ITGAM: variants seen among roughly 807,000 people sequenced by gnomAD.
ITGAM encodes integrin alpha-M.
A neutral mutation model predicts 137.5 loss-of-function variants in ITGAM; 79 were observed. That is an observed-to-expected ratio of 0.57 (90% CI 0.48 to 0.69). The LOEUF is 0.69. Ranked by LOEUF, ITGAM falls within the 30% of genes least tolerant of loss-of-function variation. The pLI is 0.00. For synonymous variants in ITGAM, 583 were observed against 592.3 expected (o/e 0.98, Z 0.23); for missense variants, 1,343 against 1,483.5 (o/e 0.91, Z 1.56).
At chr16:31,312,872 T>C (rs920706236) in intron 14 of ITGAM, among the ~76,000 whole-genome samples, 2 of 88,044 alleles carry the variant, frequency 2.3e-5, no homozygotes, top group African/African-American at 6.1e-5. Context: ...TAGGGAGCAG[T>C]CTTTTTTTTT....
chr16:31,265,866 C>A lies in ITGAM; in HGVS notation c.294C>A (p.Ser98Arg), dbSNP rs377027681. 2.5e-5 allele frequency: 40 copies of A among 1,613,600 alleles called. No homozygotes were observed. The highest frequency in any genetic ancestry group is 3.1e-5 in the Non-Finnish European group (36 of 1,179,926). Reference sequence around the variant, plus strand: ...GCCTGTCCCTGGCAGCCACCACCAGCCCCCCTCAGCTGCTGGTGAGTGGGG... The same window carrying A: ...GCCTGTCCCTGGCAGCCACCACCAGACCCCCTCAGCTGCTGGTGAGTGGGG... The part of the protein sequence containing the change: ...SLGLSLAATT[S>R]PPQLLACGPT... The change falls in exon 4 of 30, where the codon AGC becomes AGA. Residue 98 changes from serine to arginine, a missense_variant. Ser to Arg is a moderately radical substitution (Grantham distance 110). Transcript: ENST00000544665.
chr16:31,288,192 G>A (rs2080049355), intron 12 of ITGAM, among the ~76,000 whole-genome samples: 1 of 152,104 alleles, frequency 6.6e-6, no homozygotes, highest in African/African-American at 2.4e-5. Context: ...GTATAGGGTG[G>A]TGGGAGGAGT....
intron 14 of ITGAM, among the ~76,000 whole-genome samples, chr16:31,306,241 A>AT (rs2080263429): frequency 6.6e-6 from 1 of 152,100 alleles, no homozygotes; most frequent in Non-Finnish European, 1.5e-5. Flanking sequence ...CTAATGAGGA[A>AT]TTTTTTTGAC....
intron 5 of ITGAM, among the ~76,000 whole-genome samples, chr16:31,267,423 T>A (rs1272927145): frequency 6.6e-6 from 1 of 152,080 alleles, no homozygotes; most frequent in Non-Finnish European, 1.5e-5. Flanking sequence ...TCTCTTATTT[T>A]ATCTTAATAA....
chr16:31,287,429 T>C (rs571234584), intron 12 of ITGAM, among the ~76,000 whole-genome samples: 4 of 152,204 alleles, frequency 2.6e-5, no homozygotes, highest in East Asian at 1.9e-4. Flanking sequence ...TTGATACAAA[T>C]AGCATTGAAT....
intron 8 of ITGAM, among the ~76,000 whole-genome samples, chr16:31,274,239 T>A (rs2079881929): frequency 6.6e-6 from 1 of 152,154 alleles, no homozygotes; most frequent in Non-Finnish European, 1.5e-5. Context: ...AAACCATATA[T>A]AATAGTATAC....
At chr16:31,330,633 T>C in intron 28 of ITGAM, 28 bp downstream of exon 28, 3 of 1,524,782 alleles carry the variant, frequency 2.0e-6, no homozygotes, top group African/African-American at 2.7e-5. Flanking sequence ...TGAGGAACTA[T>C]TGGAGGGAGA....
At chr16:31,267,490 C>T (rs751912671) in intron 5 of ITGAM, among the ~76,000 whole-genome samples, 11 of 151,982 alleles carry the variant, frequency 7.2e-5, no homozygotes, top group Non-Finnish European at 1.2e-4. Context: ...GCTGTAACAC[C>T]GCACTTTCTC....
At position 31,265,371 on chromosome 16, in the gene ITGAM, C is replaced by T. The variant is rs533575502; in HGVS notation, c.135-24C>T. The T allele has an allele frequency of 6.7e-5, 97 of 1,444,132 alleles. No individual in the cohort carries two copies. In the African/African-American group the frequency reaches 1.2e-3, roughly 18 times the overall value. The allele number at this position is 1,444,132 out of a possible 1,614,324, so 89.5% of individuals were successfully genotyped here. Reference sequence around the variant, plus strand: ...TTCTCTCCCCACATGTCGAAGTTTTCTCTGTTCCCACTTCTCCCCACAGGG... The same window carrying T: ...TTCTCTCCCCACATGTCGAAGTTTTTTCTGTTCCCACTTCTCCCCACAGGG... On this transcript the variant is annotated intron_variant, in intron 2 of 29. Transcript: ENST00000544665.
intron 28 of ITGAM, among the ~76,000 whole-genome samples, chr16:31,330,836 GAGAT>G (rs1317972184): frequency 6.7e-6 from 1 of 149,282 alleles, no homozygotes; most frequent in African/African-American, 2.5e-5. Flanking sequence ...GAGAGTCAGA[GAGAT>G]AGAGATAGAG....
intron 11 of ITGAM, among the ~76,000 whole-genome samples, chr16:31,277,449 C>T (rs760694037): frequency 3.9e-5 from 6 of 151,916 alleles, no homozygotes; most frequent in Non-Finnish European, 8.8e-5. Flanking sequence ...ACCTCCGCCT[C>T]CCAGGTTCAA....
At chr16:31,328,912 C>T (rs548912503) in intron 23 of ITGAM, 1 of 459,846 alleles carries the variant, frequency 2.2e-6, no homozygotes, top group South Asian at 2.3e-5. Flanking sequence ...GTGTGTGTGT[C>T]TGAGGATCTA....
chr16:31,266,806 T>C (rs542056610), intron 5 of ITGAM, among the ~76,000 whole-genome samples: 1 of 151,886 alleles, frequency 6.6e-6, no homozygotes, highest in East Asian at 1.9e-4. Flanking sequence ...GGGGGCGGCC[T>C]TCCACACCCC....
chr16:31,330,832 CAG>C (rs2080571708), intron 28 of ITGAM, among the ~76,000 whole-genome samples: 1 of 148,636 alleles, frequency 6.7e-6, no homozygotes, highest in Non-Finnish European at 1.5e-5. Context: ...GATAGAGAGT[CAG>C]AGAGATAGAG....
chr16:31,293,887 T>G (rs149805234), intron 12 of ITGAM, among the ~76,000 whole-genome samples: 1 of 152,186 alleles, frequency 6.6e-6, no homozygotes, highest in African/African-American at 2.4e-5. Context: ...GTTTTACCAT[T>G]TTTTTGGTGT....
At chr16:31,273,691 C>T (rs900240455) in intron 8 of ITGAM, 173 bp downstream of exon 8, 6 of 584,608 alleles carry the variant, frequency 1.0e-5, no homozygotes, top group African/African-American at 9.5e-5. Context: ...TAAACTATCC[C>T]AAAATTCAGC....
At chr16:31,305,644 T>C (rs970813606) in intron 14 of ITGAM, among the ~76,000 whole-genome samples, 7 of 152,200 alleles carry the variant, frequency 4.6e-5, no homozygotes, top group Non-Finnish European at 4.4e-5. Context: ...CTATGTCTAA[T>C]TTATTGAAAG....
At chr16:31,298,065 C>A in intron 14 of ITGAM, 111 bp downstream of exon 14, 1 of 893,240 alleles carries the variant, frequency 1.1e-6, no homozygotes, top group Non-Finnish European at 1.8e-6. Flanking sequence ...CCTTTCAGAA[C>A]CTTCAAAAAT....
intron 12 of ITGAM, among the ~76,000 whole-genome samples, chr16:31,294,003 T>C (rs1371086045): frequency 6.6e-6 from 1 of 152,182 alleles, no homozygotes; most frequent in Admixed American, 6.5e-5. Context: ...GTGGCAATCG[T>C]GAATAGGATT....
Sources: gnomAD v4.1 joint callset for allele counts (sites outside exome capture counted in the v4.1 genomes callset) on GRCh38, gnomAD v4.1.1 for gene constraint, MANE v1.5 for transcripts, NCBI Gene and HGNC (gene_info 2026-07-23, HGNC 2026-07-21) for gene names.